The following SGPP2 variants were observed in gnomAD, a reference collection of about 807,000 sequenced individuals.
SGPP2 encodes the protein sphingosine-1-phosphate phosphatase 2.
In SGPP2, 30 loss-of-function variants were observed where a neutral mutation model predicts 33.9. The observed-to-expected ratio is 0.89, with a 90% CI of 0.66 to 1.20. The LOEUF (loss-of-function observed/expected upper bound fraction) is 1.20. SGPP2 is among the 50% of genes most tolerant of loss of function. SGPP2 has a pLI of 0.00. For missense variants in SGPP2, 458 were observed against 532.1 expected (o/e 0.86, Z 1.37); for synonymous variants, 233 against 225.0 (o/e 1.04, Z -0.32).
intron 1 of SGPP2, among the ~76,000 whole-genome samples, chr2:222,433,590 G>T (rs1697191312): frequency 6.6e-6 from 1 of 152,156 alleles, no homozygotes; most frequent in Non-Finnish European, 1.5e-5. Context: ...ACTCGCCTTT[G>T]TCTGACTTGG....
chr2:222,552,033 G>T (rs1050400491), intron 4 of SGPP2, among the ~76,000 whole-genome samples: 3 of 152,150 alleles, frequency 2.0e-5, no homozygotes, highest in Non-Finnish European at 2.9e-5. Context: ...TGCTGTGAGT[G>T]CCATTAATTA....
At chr2:222,424,310 C>G (rs1697023465), upstream of SGPP2, among the ~76,000 whole-genome samples, 1 of 152,008 alleles carries the variant, frequency 6.6e-6, no homozygotes, top group South Asian at 2.1e-4. Flanking sequence ...AGGCGCAGTT[C>G]GGAGATCGGC....
chr2:222,548,413 T>C (rs1371305489), intron 4 of SGPP2, among the ~76,000 whole-genome samples: 1 of 152,278 alleles, frequency 6.6e-6, no homozygotes, highest in African/African-American at 2.4e-5. Flanking sequence ...ACATACTTTT[T>C]TCTACCTCAT....
chr2:222,474,917 G>C (rs1030085173), intron 2 of SGPP2, among the ~76,000 whole-genome samples, 191 bp downstream of exon 2: 2 of 151,872 alleles, frequency 1.3e-5, no homozygotes, highest in South Asian at 4.1e-4. Context: ...GAACAGTAAG[G>C]GAATTGTAGA....
At chr2:222,474,545 G>A (rs751357154) in intron 1 of SGPP2, 23 bp from the exon 2 acceptor site, 2 of 1,609,222 alleles carry the variant, frequency 1.2e-6, no homozygotes, top group South Asian at 1.1e-5. Context: ...AACTCACAGA[G>A]TCTTCTAACT....
chr2:222,470,418 G>A (rs1697820646), intron 1 of SGPP2, among the ~76,000 whole-genome samples: 1 of 152,210 alleles, frequency 6.6e-6, no homozygotes, highest in African/African-American at 2.4e-5. Context: ...AAATCCTTGG[G>A]GTGTCATCTA....
intron 1 of SGPP2, among the ~76,000 whole-genome samples, chr2:222,467,586 G>GGCCT (rs1173911814): frequency 2.6e-5 from 4 of 151,950 alleles, no homozygotes; most frequent in African/African-American, 4.8e-5. Context: ...CTCTCCCCTA[G>GGCCT]GCCTTCCTTC....
At chr2:222,515,212 G>C (rs1364369477) in intron 2 of SGPP2, among the ~76,000 whole-genome samples, 1 of 152,044 alleles carries the variant, frequency 6.6e-6, no homozygotes, top group Non-Finnish European at 1.5e-5. Flanking sequence ...ATCAGGTCAG[G>C]CCAGGCCTCT....
At chr2:222,503,345 G>A (rs922891823) in intron 2 of SGPP2, among the ~76,000 whole-genome samples, 1 of 152,086 alleles carries the variant, frequency 6.6e-6, no homozygotes, top group Non-Finnish European at 1.5e-5. Flanking sequence ...ACATATTAAG[G>A]CTAAAATAAA....
At chr2:222,514,974 G>A (rs1698582428) in intron 2 of SGPP2, among the ~76,000 whole-genome samples, 1 of 147,924 alleles carries the variant, frequency 6.8e-6, no homozygotes, top group African/African-American at 2.5e-5. Context: ...ATTTCTCCCT[G>A]TTGTTATTCT....
chr2:222,481,273 T>G (rs137991588), intron 2 of SGPP2, among the ~76,000 whole-genome samples: 1 of 152,318 alleles, frequency 6.6e-6, no homozygotes, highest in African/African-American at 2.4e-5. Context: ...AGAAAAATGA[T>G]ATCTCAGTTA....
chr2:222,543,191 G>A (rs1422386586), intron 4 of SGPP2, among the ~76,000 whole-genome samples: 7 of 152,090 alleles, frequency 4.6e-5, no homozygotes, highest in Admixed American at 3.9e-4. Flanking sequence ...TATTTGTGAG[G>A]TTTTATTGTT....
At chr2:222,463,541 A>T (rs1391143923) in intron 1 of SGPP2, among the ~76,000 whole-genome samples, 4 of 152,006 alleles carry the variant, frequency 2.6e-5, no homozygotes, top group East Asian at 1.9e-4. Flanking sequence ...CTCTATTTTT[A>T]AAAAATGAAA....
chr2:222,464,841 T>C (rs1412366685), intron 1 of SGPP2, among the ~76,000 whole-genome samples: 1 of 152,160 alleles, frequency 6.6e-6, no homozygotes, highest in Non-Finnish European at 1.5e-5. Flanking sequence ...AAGACCCTTT[T>C]CTAGAGTCAA....
chr2:222,530,233 A>G (rs189914599), intron 4 of SGPP2, among the ~76,000 whole-genome samples: 1,758 of 152,312 alleles, frequency 0.012, 115 homozygotes, highest in Admixed American at 0.11. Context: ...GTAAATGGCC[A>G]TTGGTTCACC....
At chr2:222,531,892 A>G (rs1162456285) in intron 4 of SGPP2, among the ~76,000 whole-genome samples, 2 of 152,210 alleles carry the variant, frequency 1.3e-5, no homozygotes, top group Non-Finnish European at 2.9e-5. Context: ...GACACCCAGC[A>G]TCCACATGAA....
intron 4 of SGPP2, among the ~76,000 whole-genome samples, chr2:222,555,063 A>G (rs1157495196): frequency 2.0e-5 from 3 of 151,654 alleles, no homozygotes; most frequent in Non-Finnish European, 2.9e-5. Context: ...CTCCATCACT[A>G]TGGTTTTATC....
chr2:222,455,407 C>T (rs1218062587), intron 1 of SGPP2, among the ~76,000 whole-genome samples: 1 of 151,954 alleles, frequency 6.6e-6, no homozygotes, highest in Non-Finnish European at 1.5e-5. Flanking sequence ...GGACAAAGCT[C>T]AGGAGGCTGG....
At chr2:222,541,859 C>T (rs1044460189) in intron 4 of SGPP2, among the ~76,000 whole-genome samples, 4 of 152,062 alleles carry the variant, frequency 2.6e-5, no homozygotes, top group African/African-American at 9.7e-5. Flanking sequence ...ACCCCGGCCT[C>T]CCAAAGTGCT....
Sources: gnomAD v4.1 joint callset for allele counts (sites outside exome capture counted in the v4.1 genomes callset) on GRCh38, gnomAD v4.1.1 for gene constraint, MANE v1.5 for transcripts, NCBI Gene and HGNC (gene_info 2026-07-23, HGNC 2026-07-21) for gene names.